XPO4: variants seen among roughly 807,000 people sequenced by gnomAD.
The protein encoded by XPO4 is exportin 4.
XPO4 carries 39 observed loss-of-function variants against 143.0 expected under a neutral mutation model. The observed-to-expected ratio is 0.27, with a 90% confidence interval of 0.21 to 0.36. XPO4 has a LOEUF of 0.36. Ranked by LOEUF, XPO4 falls within the 10% of genes least tolerant of loss-of-function variation. XPO4 has a pLI of 1.00. For synonymous variants in XPO4, 439 were observed against 474.0 expected, an observed-to-expected ratio of 0.93 and a Z score of 0.96; for missense variants, 907 against 1,348.0, an observed-to-expected ratio of 0.67 and a Z score of 5.12.
intron 1 of XPO4, among the ~76,000 whole-genome samples, chr13:20,892,980 T>C (rs948712545): frequency 3.3e-5 from 5 of 151,906 alleles, no homozygotes; most frequent in African/African-American, 1.2e-4. Flanking sequence ...CCTGAGAAAC[T>C]GACTACTGAG....
At chr13:20,828,772 G>A (rs938799949) in intron 6 of XPO4, among the ~76,000 whole-genome samples, 21 of 152,106 alleles carry the variant, frequency 1.4e-4, no homozygotes, top group Non-Finnish European at 2.9e-4. Flanking sequence ...AAAGAAGCCC[G>A]AATTTAAAAA....
intron 13 of XPO4, among the ~76,000 whole-genome samples, chr13:20,801,332 G>A (rs1291802026): frequency 6.6e-6 from 1 of 152,150 alleles, no homozygotes; most frequent in East Asian, 1.9e-4. Flanking sequence ...AATCTTCAGA[G>A]TACATGCCAA....
At chr13:20,786,718 C>A (rs909297856) in intron 22 of XPO4, among the ~76,000 whole-genome samples, 13 of 152,086 alleles carry the variant, frequency 8.5e-5, no homozygotes, top group African/African-American at 2.9e-4. Context: ...GTGACCATTG[C>A]AAAGGATGGT....
intron 3 of XPO4, among the ~76,000 whole-genome samples, chr13:20,858,963 A>G (rs1050431848): frequency 7.3e-5 from 11 of 151,064 alleles, no homozygotes; most frequent in African/African-American, 2.4e-4. Flanking sequence ...AGCTATTTCA[A>G]TGTGGAACCC....
chr13:20,846,218 T>G (rs1213698210), intron 4 of XPO4, among the ~76,000 whole-genome samples: 1 of 152,240 alleles, frequency 6.6e-6, no homozygotes. Context: ...TATCACCATA[T>G]TCAAGTTTTC....
At chr13:20,901,358 G>A (rs373700829) in intron 1 of XPO4, among the ~76,000 whole-genome samples, 2 of 152,320 alleles carry the variant, frequency 1.3e-5, no homozygotes, top group East Asian at 3.9e-4. Context: ...AAGAACTACA[G>A]CCGTGTTTTG....
rs760290607 is a variant in XPO4 at position 20,790,574 on chromosome 13, A to C, written c.2804T>G (p.Val935Gly). The C allele has an allele frequency of 6.2e-7, 1 of 1,613,264 alleles. No homozygotes were observed. The highest frequency in any genetic ancestry group is 8.5e-7 in the Non-Finnish European group (1 of 1,179,306). The change falls in exon 19 of 23, where the codon GTG (valine) becomes GGG (glycine). Residue 935 changes from valine to glycine, a missense_variant. Physicochemically the swap from Val to Gly is moderately radical, Grantham distance 109. Coordinates refer to ENST00000255305, the MANE Select transcript of XPO4 (RefSeq NM_022459.5). ...EFIDFSDTDEVFRGHEPGQAA... is the reference protein window; with the variant it reads ...EFIDFSDTDEGFRGHEPGQAA... ...TTGACCTGGCTCATGTCCTCTAAAC[A>C]CTTCATCTATTAAAATAAAAGGATG...
At chr13:20,839,258 C>T (rs1297394285) in intron 6 of XPO4, among the ~76,000 whole-genome samples, 1 of 152,066 alleles carries the variant, frequency 6.6e-6, no homozygotes, top group African/African-American at 2.4e-5. Flanking sequence ...AGTGAAACTC[C>T]GTCTCAAAAA....
At chr13:20,833,180 G>C (rs370590424) in intron 6 of XPO4, among the ~76,000 whole-genome samples, 2 of 151,950 alleles carry the variant, frequency 1.3e-5, no homozygotes, top group Admixed American at 1.3e-4. Flanking sequence ...ACTTCTGAAC[G>C]GGCTTCTTTC....
At chr13:20,818,245 C>A (rs1025547901) in intron 9 of XPO4, among the ~76,000 whole-genome samples, 1 of 152,200 alleles carries the variant, frequency 6.6e-6, no homozygotes, top group African/African-American at 2.4e-5. Context: ...CACAGAGAAA[C>A]TTGGCTGAAT....
intron 1 of XPO4, among the ~76,000 whole-genome samples, chr13:20,901,733 A>T (rs896766665): frequency 6.6e-6 from 1 of 152,220 alleles, no homozygotes; most frequent in African/African-American, 2.4e-5. Flanking sequence ...CCAAAAGGAA[A>T]AAAGTCCAAA....
At chr13:20,877,170 A>G (rs1413539742) in intron 1 of XPO4, among the ~76,000 whole-genome samples, 2 of 152,262 alleles carry the variant, frequency 1.3e-5, no homozygotes, top group Non-Finnish European at 2.9e-5. Context: ...TGCACTGGAC[A>G]TAATTAACAA....
intron 9 of XPO4, among the ~76,000 whole-genome samples, chr13:20,810,248 T>G (rs531879551): frequency 6.6e-6 from 1 of 152,060 alleles, no homozygotes; most frequent in African/African-American, 2.4e-5. Context: ...AAGAAGAGAA[T>G]TGTTAAAATA....
At chr13:20,875,957 TAA>T (rs1231039383) in intron 1 of XPO4, among the ~76,000 whole-genome samples, 1 of 151,726 alleles carries the variant, frequency 6.6e-6, no homozygotes, top group Middle Eastern at 3.2e-3. Flanking sequence ...CAAATTAATT[TAA>T]AAAAAAGAGG....
At position 20,796,112 on chromosome 13, in the gene XPO4, G is replaced by C; in HGVS notation, c.2761C>G (p.Leu921Val). Residue 921 changes from leucine (L) to valine (V), a missense_variant, in exon 18 of 23, where the codon CTG becomes GTG. Transcript: ENST00000255305. ...AAATCTATGAATTCTTTTGACAGCA[G>C]GTTAGTAAGAAGTTCCATAATGAGA... The part of the protein sequence containing the change: ...LLLIMELLTN[L>V]LSKEFIDFSD... 1 of 1,613,402 alleles carries C rather than the reference G, an allele frequency of 6.2e-7. No individual in the cohort carries two copies. Among genetic ancestry groups the C allele is most frequent in the Non-Finnish European group, 8.5e-7 (1 of 1,179,670 alleles).
intron 1 of XPO4, chr13:20,879,249 C>T (rs2060383397): frequency 1.0e-6 from 1 of 985,060 alleles, no homozygotes; most frequent in African/African-American, 1.7e-5. Flanking sequence ...ATCCTCAGCG[C>T]AAGGGTAAAC....
At chr13:20,801,054 T>G in intron 13 of XPO4, 64 bp from the exon 14 acceptor site, 2 of 1,575,884 alleles carry the variant, frequency 1.3e-6, no homozygotes, top group Middle Eastern at 1.7e-4. Flanking sequence ...AATCATATTT[T>G]TTTCCTTAAA....
chr13:20,869,692 A>G (rs1171900147), intron 1 of XPO4: 1 of 620,778 alleles, frequency 1.6e-6, no homozygotes, highest in African/African-American at 2.0e-5. Flanking sequence ...AAAATTAACT[A>G]CTGTGAATCT....
At chr13:20,836,647 A>T (rs2059920376) in intron 6 of XPO4, among the ~76,000 whole-genome samples, 1 of 152,134 alleles carries the variant, frequency 6.6e-6, no homozygotes, top group Non-Finnish European at 1.5e-5. Context: ...CCGTGACATG[A>T]TGGGTATTTT....
Sources: allele counts gnomAD v4.1 joint callset (sites outside exome capture counted in the v4.1 genomes callset), GRCh38; gene constraint gnomAD v4.1.1; transcripts MANE v1.5; gene names NCBI Gene and HGNC (gene_info 2026-07-23, HGNC 2026-07-21).